Variants in CNOT4 observed in about 807,000 individuals in gnomAD.
CNOT4 encodes the protein CCR4-associated factor 4.
In CNOT4, 8 loss-of-function variants were observed where a neutral mutation model predicts 73.8. The observed-to-expected ratio is 0.11, with a 90% confidence interval of 0.06 to 0.20. CNOT4 has a LOEUF of 0.20. Among genes scored for constraint, CNOT4 ranks in the 10% least tolerant of loss-of-function variants. The pLI is 1.00. For missense variants in CNOT4, 564 were observed against 883.4 expected (o/e 0.64, Z 4.58); for synonymous variants, 293 against 321.1 (o/e 0.91, Z 0.94).
chr7:135,443,159 T>C (rs1231964175), intron 1 of CNOT4, among the ~76,000 whole-genome samples: 2 of 146,890 alleles, frequency 1.4e-5, no homozygotes, highest in Non-Finnish European at 3.0e-5. Context: ...AAGACCTGCC[T>C]GGGCACCATG....
chr7:135,486,555 G>A (rs761663553), intron 1 of CNOT4, among the ~76,000 whole-genome samples: 28 of 152,194 alleles, frequency 1.8e-4, no homozygotes, highest in African/African-American at 5.5e-4. Context: ...GCTCTTGGGC[G>A]TTTATCTGAG....
rs575973138 is a variant in CNOT4, at chr7:135,416,557, G to A, written c.373-1295C>T. Among the ~76,000 whole-genome samples, 99 of 152,286 alleles carry A rather than the reference G, an allele frequency of 6.5e-4. 1 individual carries two copies. In the South Asian group the frequency reaches 0.02, roughly 31 times the overall value. On this transcript the variant is annotated intron_variant, in intron 3 of 11. Coordinates refer to ENST00000541284, the MANE Select transcript of CNOT4 (RefSeq NM_001190850.2). ...CAAAGTCTCAGGGTTGATAAAGAGA[G>A]AAGAGCAGAGTTTGAAAAAGCTTTC...
intron 7 of CNOT4, among the ~76,000 whole-genome samples, chr7:135,401,455 T>C (rs998380476): frequency 6.6e-6 from 1 of 152,354 alleles, no homozygotes; most frequent in East Asian, 1.9e-4. Flanking sequence ...GGGCTTTTTT[T>C]ATTTAAAAAC....
At chr7:135,377,046 T>A (rs1488097207) in intron 10 of CNOT4, among the ~76,000 whole-genome samples, 1 of 152,222 alleles carries the variant, frequency 6.6e-6, no homozygotes, top group Non-Finnish European at 1.5e-5. Context: ...AGCATACATC[T>A]TTAAGAGTTC....
intron 10 of CNOT4, among the ~76,000 whole-genome samples, chr7:135,392,913 G>A (rs1257631232): frequency 6.6e-6 from 1 of 151,740 alleles, no homozygotes; most frequent in Non-Finnish European, 1.5e-5. Flanking sequence ...CCTTGCTGCT[G>A]ATAAAAGTAT....
Position 135,488,068 on chromosome 7 carries a change from CAAAGAAGAA to C in CNOT4, c.-93+21812_-93+21820del, listed in dbSNP as rs1343032489. ...AGAGTGAGACTCCGAGACTCCGTCT[CAAAGAAGAA>C]AAAAAAGAAAAAAAAAGCATTCTTT... On this transcript the variant is annotated intron_variant, in intron 1 of 11. Coordinates refer to ENST00000541284, the MANE Select transcript of CNOT4 (RefSeq NM_001190850.2). 5.9e-5 allele frequency among the ~76,000 whole-genome samples: 8 copies of C among 136,634 alleles called. No individual in the cohort carries two copies. The South Asian group carries it at 6.8e-4, about 12-fold the overall frequency. The allele number at this position is 136,634 out of a possible 152,430, so 89.6% of individuals were successfully genotyped here.
At chr7:135,398,713 AG>A (rs1378420856) in intron 7 of CNOT4, among the ~76,000 whole-genome samples, 1 of 152,052 alleles carries the variant, frequency 6.6e-6, no homozygotes, top group Non-Finnish European at 1.5e-5. Context: ...AATAGCTTAT[AG>A]GGGGAAAAAA....
intron 1 of CNOT4, among the ~76,000 whole-genome samples, chr7:135,469,337 A>G (rs867508131): frequency 2.0e-5 from 3 of 152,328 alleles, no homozygotes; most frequent in Middle Eastern, 3.4e-3. Context: ...TTGAGAATGA[A>G]CAATGCTTCC....
At chr7:135,403,226 C>T (rs1797095965) in intron 7 of CNOT4, among the ~76,000 whole-genome samples, 1 of 152,064 alleles carries the variant, frequency 6.6e-6, no homozygotes, top group East Asian at 1.9e-4. Context: ...TTAAATACTC[C>T]CACATATATT....
intron 3 of CNOT4, among the ~76,000 whole-genome samples, chr7:135,421,248 C>T (rs1051316641): frequency 1.1e-4 from 16 of 152,282 alleles, no homozygotes; most frequent in South Asian, 4.2e-4. Context: ...GCCTTTAACA[C>T]GCTCAGCCAA....
At chr7:135,490,737 C>G (rs968140985) in intron 1 of CNOT4, among the ~76,000 whole-genome samples, 6 of 152,220 alleles carry the variant, frequency 3.9e-5, no homozygotes, top group Admixed American at 3.3e-4. Context: ...AATCTCTAAT[C>G]TTATCAACTC....
At chr7:135,492,022 TG>T (rs2129487715) in intron 1 of CNOT4, among the ~76,000 whole-genome samples, 1 of 152,276 alleles carries the variant, frequency 6.6e-6, no homozygotes, top group Non-Finnish European at 1.5e-5. Context: ...TACATACATG[TG>T]GTGGCAGGAG....
At chr7:135,375,992 A>G (rs1795495460) in intron 10 of CNOT4, among the ~76,000 whole-genome samples, 1 of 151,936 alleles carries the variant, frequency 6.6e-6, no homozygotes, top group Non-Finnish European at 1.5e-5. Context: ...AAAAATAAGG[A>G]AAAGCCAAGA....
At chr7:135,369,357 C>T (rs1334502544) in intron 10 of CNOT4, among the ~76,000 whole-genome samples, 3 of 152,066 alleles carry the variant, frequency 2.0e-5, no homozygotes, top group Non-Finnish European at 4.4e-5. Flanking sequence ...TTTGGTACCC[C>T]CTCCTCAAGG....
At chr7:135,440,623 A>G (rs1799420870) in intron 1 of CNOT4, among the ~76,000 whole-genome samples, 1 of 152,176 alleles carries the variant, frequency 6.6e-6, no homozygotes, top group African/African-American at 2.4e-5. Context: ...ACAGCAATAT[A>G]AGAGTAGAAA....
intron 1 of CNOT4, among the ~76,000 whole-genome samples, chr7:135,500,831 G>A (rs1426405723): frequency 6.6e-6 from 1 of 152,126 alleles, no homozygotes; most frequent in Non-Finnish European, 1.5e-5. Flanking sequence ...CACATAGGAA[G>A]CAGGTAAGGC....
intron 7 of CNOT4, among the ~76,000 whole-genome samples, chr7:135,408,322 G>A (rs1797407052): frequency 6.6e-6 from 1 of 152,044 alleles, no homozygotes. Context: ...AAAAAATTAT[G>A]TTTTAGTGAC....
intron 1 of CNOT4, among the ~76,000 whole-genome samples, chr7:135,464,012 T>A (rs1455394936): frequency 4.0e-5 from 2 of 49,590 alleles, no homozygotes; most frequent in African/African-American, 1.1e-4. Flanking sequence ...AGGATGGCTA[T>A]TATTAAAAAG....
Position 135,510,036 on chromosome 7 carries a change from ACT to A in CNOT4, c.-242_-241del, listed in dbSNP as rs1804652362. ...TCCGACCTTTACGGCTGAGAGAGAGACTCTCAGCTTTCGGTGGGTTCCACAGC... is the reference window on the plus strand; with the variant it reads ...TCCGACCTTTACGGCTGAGAGAGAGACTCAGCTTTCGGTGGGTTCCACAGC... On this transcript the variant is annotated 5_prime_UTR_variant, in exon 1 of 12. Coordinates refer to ENST00000541284, the MANE Select transcript of CNOT4 (RefSeq NM_001190850.2). The A allele has an allele frequency of 1.0e-5, 4 of 398,532 alleles. No homozygotes were observed. The highest frequency in any genetic ancestry group is 1.8e-5 in the Non-Finnish European group (4 of 226,006). 24.7% of individuals were successfully genotyped at this position (398,532 alleles called of 1,614,324 possible). A position where few individuals can be genotyped will look rare whatever the true frequency, so the allele number is the denominator to read the frequency against.
Sources: allele counts gnomAD v4.1 joint callset (sites outside exome capture counted in the v4.1 genomes callset), GRCh38; gene constraint gnomAD v4.1.1; transcripts MANE v1.5; gene names NCBI Gene and HGNC (gene_info 2026-07-23, HGNC 2026-07-21).